Variants in PRDM16 observed in about 807,000 individuals in gnomAD.
PRDM16 encodes the protein histone-lysine N-methyltransferase PRDM16.
A neutral mutation model predicts 110.6 loss-of-function variants in PRDM16; 23 were observed. That is an observed-to-expected ratio of 0.21 (90% CI 0.15 to 0.29). The LOEUF (loss-of-function observed/expected upper bound fraction) is 0.29. PRDM16 is among the 10% of genes least tolerant of loss of function. The probability of loss-of-function intolerance (pLI) is 1.00; values close to 1 mark genes in which losing one functional copy is unlikely to be tolerated. For synonymous variants in PRDM16, 799 were observed against 781.8 expected, an observed-to-expected ratio of 1.02 and a Z score of -0.37; for missense variants, 1,615 against 1,794.3, an observed-to-expected ratio of 0.90 and a Z score of 1.81.
chr1:3,431,209 C>A, intron 15 of PRDM16, 101 bp downstream of exon 15: 1 of 1,477,636 alleles, frequency 6.8e-7, no homozygotes, highest in Non-Finnish European at 9.0e-7. Context: ...CCATCCCTGG[C>A]TCAGCCCCTA....
At chr1:3,278,442 G>C (rs888105949) in intron 3 of PRDM16, among the ~76,000 whole-genome samples, 2 of 152,236 alleles carry the variant, frequency 1.3e-5, no homozygotes, top group Non-Finnish European at 2.9e-5. Context: ...GGAGGGGCCT[G>C]TGTGGAGTTC....
intron 11 of PRDM16, among the ~76,000 whole-genome samples, 172 bp downstream of exon 11, chr1:3,418,169 G>A (rs1638321771): frequency 6.6e-6 from 1 of 152,210 alleles, no homozygotes; most frequent in Non-Finnish European, 1.5e-5. Context: ...AAGTGACTTG[G>A]GTGGCCTCCC....
intron 1 of PRDM16, among the ~76,000 whole-genome samples, chr1:3,102,827 G>T (rs1642563494): frequency 6.6e-6 from 1 of 152,206 alleles, no homozygotes; most frequent in South Asian, 2.1e-4. Context: ...CCCCATATGT[G>T]GCTGCTCTCC....
chr1:3,269,147 T>C (rs1361108041), intron 3 of PRDM16, among the ~76,000 whole-genome samples: 3 of 152,252 alleles, frequency 2.0e-5, no homozygotes, highest in African/African-American at 7.2e-5. Context: ...GCAATGGCCA[T>C]GGCCACTGGG....
At chr1:3,427,443 T>C (rs1258701763) in intron 14 of PRDM16, among the ~76,000 whole-genome samples, 3 of 152,152 alleles carry the variant, frequency 2.0e-5, no homozygotes, top group Non-Finnish European at 4.4e-5. Flanking sequence ...TCTAAGGCTC[T>C]GTACCCACAG....
At chr1:3,404,914 C>A in intron 7 of PRDM16, 28 bp downstream of exon 7, 1 of 1,606,670 alleles carries the variant, frequency 6.2e-7, no homozygotes, top group Non-Finnish European at 8.5e-7. Context: ...CCCGTCTCAG[C>A]CCCGGGGCAG....
In PRDM16 at chr1:3,108,796, G is replaced by A. The variant is rs143527454; in HGVS notation, c.37+39500G>A. Among the ~76,000 whole-genome samples the A allele has an allele frequency of 5.4e-3, 817 of 152,236 alleles. 28 individuals are homozygous for A. The highest frequency in any genetic ancestry group is 0.048 in the Admixed American group (730 of 15,286). ...CATTTGAGCAGGACCTTCAGAGGCA[G>A]TGCCCCCTTAGTGCTCAGGATGCCA... On this transcript the variant is annotated intron_variant, in intron 1 of 16. Coordinates refer to ENST00000270722, the MANE Select transcript of PRDM16 (RefSeq NM_022114.4).
In PRDM16 at chr1:3,114,211, GCA is replaced by G. The variant is rs1375676992; in HGVS notation, c.37+44919_37+44920del. On this transcript the variant is annotated intron_variant, in intron 1 of 16. Transcript: ENST00000270722. The stretch of plus-strand genomic sequence containing the variant: ...CACACACGCACACGCACGCACACAC[GCA>G]CACGAACACACACGCACACACGCAG... Among the ~76,000 whole-genome samples the G allele has an allele frequency of 2.0e-3, 93 of 47,018 alleles. 3 individuals carry two copies. In the South Asian group the frequency reaches 0.074, roughly 37 times the overall value. 30.8% of individuals were successfully genotyped at this position (47,018 alleles called of 152,430 possible).
At chr1:3,145,245 G>C (rs747880962) in intron 1 of PRDM16, among the ~76,000 whole-genome samples, 9 of 152,188 alleles carry the variant, frequency 5.9e-5, no homozygotes, top group Non-Finnish European at 1.3e-4. Context: ...TGCAGATGGA[G>C]AGGGTGCATG....
chr1:3,401,362 G>C (rs1038204301), intron 5 of PRDM16, among the ~76,000 whole-genome samples: 1 of 152,164 alleles, frequency 6.6e-6, no homozygotes, highest in African/African-American at 2.4e-5. Flanking sequence ...TCAACGTTCA[G>C]ACCAAGCTCA....
intron 1 of PRDM16, among the ~76,000 whole-genome samples, chr1:3,135,701 A>C (rs7535865): frequency 0.13 from 19,847 of 152,212 alleles, 1,734 homozygotes; most frequent in East Asian, 0.24. Context: ...TCCCGCACAC[A>C]CTGCTGGGGC....
intron 2 of PRDM16, among the ~76,000 whole-genome samples, chr1:3,223,147 G>T (rs763621709): frequency 8.8e-6 from 1 of 113,416 alleles, no homozygotes; most frequent in Non-Finnish European, 1.6e-5. Context: ...GTCTTGCTCT[G>T]TTGCCAGGCT....
intron 1 of PRDM16, among the ~76,000 whole-genome samples, chr1:3,180,876 GCA>G (rs200383999): frequency 6.6e-6 from 1 of 150,874 alleles, no homozygotes; most frequent in Admixed American, 6.6e-5. Context: ...CCTTACACAC[GCA>G]GTCTTACACA....
At chr1:3,179,330 G>A (rs925349229) in intron 1 of PRDM16, among the ~76,000 whole-genome samples, 7 of 152,256 alleles carry the variant, frequency 4.6e-5, no homozygotes, top group African/African-American at 1.2e-4. Context: ...GGCAGGGAGC[G>A]TGGACTCAGG....
In PRDM16 at chr1:3,425,313, C is replaced by T. The variant is rs531609550; in HGVS notation, c.2940-268C>T. ...CAGGATGGTCTCGATCTCCTGACCT[C>T]GTGATCCACCCGCCTTGGCCTCCCA... is the stretch of plus-strand genomic sequence containing the variant. On this transcript the variant is annotated intron_variant, in intron 12 of 16. Transcript: ENST00000270722. This position sits in a 1 kb window ranked among gnomAD's most constrained non-coding sequence, Gnocchi z 6.9. The T allele has an allele frequency of 1.9e-4, 62 of 323,750 alleles. 1 individual carries two copies. In the Admixed American group the frequency reaches 2.0e-3, roughly 10 times the overall value. The allele number at this position is 323,750 out of a possible 1,614,324, so 20.1% of individuals were successfully genotyped here.
At position 3,212,860 on chromosome 1, in the gene PRDM16, A is replaced by G. The variant is rs551529081; in HGVS notation, c.387+26386A>G. Among the ~76,000 whole-genome samples the G allele has an allele frequency of 3.3e-5, 5 of 152,102 alleles. No individual in the cohort carries two copies. In the South Asian group the frequency reaches 1.0e-3, roughly 32 times the overall value. On this transcript the variant is annotated intron_variant, in intron 2 of 16. Transcript: ENST00000270722. ...TCCAGCTCAGCCTCAGATTTTAAGT[A>G]CCCACCTGGCGAGGGGCCCTCTTCC...
chr1:3,414,499 C>A, intron 9 of PRDM16, 61 bp from the exon 10 acceptor site: 2 of 1,321,148 alleles, frequency 1.5e-6, no homozygotes, highest in Non-Finnish European at 2.2e-6. Flanking sequence ...CTCTGTGGAG[C>A]GGGTGGCTCG....
intron 8 of PRDM16, 35 bp downstream of exon 8, chr1:3,405,683 G>A (rs1643550397): frequency 7.2e-6 from 11 of 1,525,262 alleles, no homozygotes; most frequent in African/African-American, 2.8e-5. Context: ...CCTGCCCTCC[G>A]GGTGCGCGGA....
At position 3,175,529 on chromosome 1, in the gene PRDM16, C is replaced by T. The variant is rs1358022380; in HGVS notation, c.38-10596C>T. On this transcript the variant is annotated intron_variant, in intron 1 of 16. Transcript: ENST00000270722. The surrounding 1 kb of genome is among the most constrained non-coding windows in gnomAD (Gnocchi z 4.8). ...ATAGGCACCCAGTTGGGGGAACATT[C>T]TCCAGGTCTCTGACCCACTACACAG... 6.6e-6 allele frequency among the ~76,000 whole-genome samples: 1 copy of T among 152,116 alleles called. No individual in the cohort carries two copies. The highest frequency in any genetic ancestry group is 2.4e-5 in the African/African-American group (1 of 41,444).
Sources: gnomAD v4.1 joint callset for allele counts (sites outside exome capture counted in the v4.1 genomes callset) on GRCh38, gnomAD v4.1.1 for gene constraint, Gnocchi (gnomAD v3.1) non-coding constraint, MANE v1.5 for transcripts, NCBI Gene and HGNC (gene_info 2026-07-23, HGNC 2026-07-21) for gene names.